SDHAF3: variants seen among roughly 807,000 people sequenced by gnomAD.
The protein encoded by SDHAF3 is succinate dehydrogenase complex assembly factor 3.
SDHAF3 carries 18 observed loss-of-function variants against 11.5 expected under a neutral mutation model. That is an observed-to-expected ratio of 1.56 (90% CI 1.08 to 2.32). The LOEUF (loss-of-function observed/expected upper bound fraction) is 2.32, where lower values mean the gene tolerates loss of function less well. Among genes scored for constraint, SDHAF3 ranks in the 30% most tolerant of loss-of-function variants. The pLI is 0.00. For synonymous variants in SDHAF3, 72 were observed against 59.3 expected (o/e 1.21, Z -0.99); for missense variants, 200 against 154.4 (o/e 1.30, Z -1.57).
At chr7:97,123,942 T>C (rs566362403) in intron 1 of SDHAF3, among the ~76,000 whole-genome samples, 11 of 152,176 alleles carry the variant, frequency 7.2e-5, no homozygotes, top group South Asian at 4.1e-4. Context: ...TCCCGTTCTG[T>C]AGGTTGCCTG....
chr7:97,165,503 C>CT (rs1789489109), intron 1 of SDHAF3, among the ~76,000 whole-genome samples: 1 of 151,512 alleles, frequency 6.6e-6, no homozygotes. Context: ...TTTAATAATA[C>CT]TTTTTTTGTG....
chr7:97,144,571 G>T (rs1387443955), intron 1 of SDHAF3, among the ~76,000 whole-genome samples: 1 of 152,120 alleles, frequency 6.6e-6, no homozygotes, highest in Non-Finnish European at 1.5e-5. Flanking sequence ...TGAAAAAGTT[G>T]TCCTTTCCCT....
At chr7:97,173,937 T>TA (rs1292201092) in intron 1 of SDHAF3, among the ~76,000 whole-genome samples, 1 of 151,116 alleles carries the variant, frequency 6.6e-6, no homozygotes, top group Non-Finnish European at 1.5e-5. Context: ...TTTTTTTTTT[T>TA]AAAGACAGAG....
intron 1 of SDHAF3, among the ~76,000 whole-genome samples, chr7:97,141,330 C>T (rs1220831208): frequency 6.6e-6 from 1 of 152,128 alleles, no homozygotes; most frequent in Non-Finnish European, 1.5e-5. Flanking sequence ...AGCATGTGAT[C>T]TCTGTGACCC....
chr7:97,143,372 G>T (rs1322719309), intron 1 of SDHAF3, among the ~76,000 whole-genome samples: 1 of 151,774 alleles, frequency 6.6e-6, no homozygotes, highest in South Asian at 2.1e-4. Flanking sequence ...GTTCTTTAGC[G>T]GTGATTTGTC....
intron 1 of SDHAF3, among the ~76,000 whole-genome samples, chr7:97,171,619 T>C (rs2115740207): frequency 6.6e-6 from 1 of 152,250 alleles, no homozygotes; most frequent in South Asian, 2.1e-4. Context: ...ATACAGTTGA[T>C]GAGTACCTTA....
At chr7:97,129,719 T>TCACTTAGTTCTGAGCTGGC (rs1791637110) in intron 1 of SDHAF3, among the ~76,000 whole-genome samples, 1 of 152,182 alleles carries the variant, frequency 6.6e-6, no homozygotes, top group Non-Finnish European at 1.5e-5. Flanking sequence ...TGCCCAGGCC[T>TCACTTAGTTCTGAGCTGGC]CACTTAGTTC....
intron 1 of SDHAF3, among the ~76,000 whole-genome samples, chr7:97,153,240 C>G (rs182689151): frequency 7.2e-5 from 11 of 152,214 alleles, no homozygotes; most frequent in African/African-American, 2.7e-4. Context: ...CTCCACTGAT[C>G]TGTGTACTCT....
intron 1 of SDHAF3, among the ~76,000 whole-genome samples, chr7:97,135,781 A>G (rs1452107652): frequency 1.1e-4 from 16 of 141,516 alleles, no homozygotes; most frequent in Admixed American, 1.1e-3. Flanking sequence ...TCCGCCTCCC[A>G]GGTTCACACC....
intron 1 of SDHAF3, among the ~76,000 whole-genome samples, chr7:97,124,681 G>T (rs1791548219): frequency 6.6e-6 from 1 of 152,122 alleles, no homozygotes; most frequent in Non-Finnish European, 1.5e-5. Flanking sequence ...TTGAGCAGTG[G>T]TTTGTAGTTC....
chr7:97,164,028 A>T (rs1367978135), intron 1 of SDHAF3, among the ~76,000 whole-genome samples: 1 of 151,612 alleles, frequency 6.6e-6, no homozygotes, highest in Non-Finnish European at 1.5e-5. Context: ...GGTCACTGCA[A>T]CCTCTGCCTC....
intron 1 of SDHAF3, among the ~76,000 whole-genome samples, chr7:97,137,093 C>A (rs999705228): frequency 1.3e-5 from 2 of 151,872 alleles, no homozygotes; most frequent in African/African-American, 4.8e-5. Context: ...TATATTCTTT[C>A]TTTGGGAAAG....
intron 1 of SDHAF3, among the ~76,000 whole-genome samples, chr7:97,139,130 G>C (rs1788987845): frequency 6.6e-6 from 1 of 152,258 alleles, no homozygotes; most frequent in Non-Finnish European, 1.5e-5. Flanking sequence ...CAGTGTTACA[G>C]CCTTTTTCCT....
intron 1 of SDHAF3, among the ~76,000 whole-genome samples, chr7:97,151,750 C>T (rs146651985): frequency 0.12 from 17,716 of 152,040 alleles, 1,298 homozygotes; most frequent in Non-Finnish European, 0.17. Context: ...CTGCCTGCCT[C>T]GGCCTCCCAA....
chr7:97,137,726 C>T (rs1309803514), intron 1 of SDHAF3, among the ~76,000 whole-genome samples: 1 of 152,174 alleles, frequency 6.6e-6, no homozygotes, highest in Non-Finnish European at 1.5e-5. Flanking sequence ...GGTCTTTTGG[C>T]AGCGTGACAG....
chr7:97,163,584 A>G (rs1040308125), intron 1 of SDHAF3, among the ~76,000 whole-genome samples: 15 of 152,168 alleles, frequency 9.9e-5, no homozygotes, highest in Admixed American at 9.2e-4. Context: ...CAGCACATTG[A>G]TGAGCCTTGA....
In SDHAF3 at chr7:97,127,073, G is replaced by A. The variant is rs144443595; in HGVS notation, c.174+9176G>A. 1.6e-4 allele frequency among the ~76,000 whole-genome samples: 25 copies of A among 152,278 alleles called. No individual in the cohort carries two copies. In the East Asian group the frequency reaches 3.3e-3, roughly 20 times the overall value. ...CCCTCACCTCCCCGCAACTCCTTGC[G>A]CTTCCTGGGTGAGGCAACACCCCAT... On this transcript the variant is annotated intron_variant, in intron 1 of 1. Transcript: ENST00000432641.
At chr7:97,161,293 C>T (rs556699991) in intron 1 of SDHAF3, among the ~76,000 whole-genome samples, 1 of 152,144 alleles carries the variant, frequency 6.6e-6, no homozygotes, top group Non-Finnish European at 1.5e-5. Context: ...TTTTACCTTA[C>T]AGTGGGTTTG....
chr7:97,127,717 G>T (rs902309447), intron 1 of SDHAF3, among the ~76,000 whole-genome samples: 4 of 152,156 alleles, frequency 2.6e-5, no homozygotes, highest in South Asian at 2.1e-4. Flanking sequence ...CAGGAGAAAA[G>T]GAATGAATTG....
Sources: allele counts gnomAD v4.1 joint callset (sites outside exome capture counted in the v4.1 genomes callset), GRCh38; gene constraint gnomAD v4.1.1; transcripts MANE v1.5; gene names NCBI Gene and HGNC (gene_info 2026-07-23, HGNC 2026-07-21).